SNX4: variants seen among roughly 807,000 people sequenced by gnomAD.
The protein encoded by SNX4 is sorting nexin-4.
Under a neutral mutation model 70.8 loss-of-function variants are expected in SNX4, and 49 were observed. The observed-to-expected ratio is 0.69, with a 90% CI of 0.55 to 0.88. The LOEUF is 0.88. Among genes scored for constraint, SNX4 ranks in the 40% least tolerant of loss-of-function variants. The pLI is 0.00. For synonymous variants in SNX4, 206 were observed against 183.8 expected (o/e 1.12, Z -0.98); for missense variants, 528 against 544.8 (o/e 0.97, Z 0.31).
intron 5 of SNX4, among the ~76,000 whole-genome samples, chr3:125,495,886 G>A (rs1229381344): frequency 1.2e-4 from 19 of 152,020 alleles, no homozygotes; most frequent in Admixed American, 1.2e-3. Flanking sequence ...ACATAAATCG[G>A]TTTTTAAACT....
At chr3:125,510,379 C>G (rs891190196) in intron 1 of SNX4, among the ~76,000 whole-genome samples, 1 of 151,844 alleles carries the variant, frequency 6.6e-6, no homozygotes, top group Admixed American at 6.6e-5. Context: ...TACAGGCGCC[C>G]GCCACACGCC....
chr3:125,462,282 G>C (rs1311739215), intron 9 of SNX4, among the ~76,000 whole-genome samples: 1 of 151,992 alleles, frequency 6.6e-6, no homozygotes, highest in Non-Finnish European at 1.5e-5. Flanking sequence ...TGTGCCAATT[G>C]ATAGGCTGAC....
At chr3:125,474,326 A>ATT (rs202001209) in intron 8 of SNX4, among the ~76,000 whole-genome samples, 1 of 151,588 alleles carries the variant, frequency 6.6e-6, no homozygotes, top group African/African-American at 2.4e-5. Context: ...TTTTGTTTTT[A>ATT]TTTTTTTGAG....
chr3:125,504,473 G>A, intron 2 of SNX4, 150 bp downstream of exon 2: 1 of 708,038 alleles, frequency 1.4e-6, no homozygotes, highest in Middle Eastern at 3.8e-4. Context: ...AACAGAATGA[G>A]ACCCTGTCTC....
At chr3:125,480,528 C>T (rs1470866254) in intron 6 of SNX4, among the ~76,000 whole-genome samples, 1 of 152,102 alleles carries the variant, frequency 6.6e-6, no homozygotes, top group Non-Finnish European at 1.5e-5. Flanking sequence ...AGATATCACA[C>T]TTCATAATTT....
chr3:125,496,865 T>C (rs1207606187), intron 5 of SNX4, among the ~76,000 whole-genome samples: 1 of 152,154 alleles, frequency 6.6e-6, no homozygotes, highest in African/African-American at 2.4e-5. Flanking sequence ...CTGACCACCA[T>C]GTCTCAACAG....
At chr3:125,460,568 C>G (rs539862491) in intron 10 of SNX4, among the ~76,000 whole-genome samples, 46 of 152,284 alleles carry the variant, frequency 3.0e-4, no homozygotes, top group Non-Finnish European at 5.0e-4. Flanking sequence ...CAGGTTTTAT[C>G]AAAATGATGC....
intron 1 of SNX4, among the ~76,000 whole-genome samples, chr3:125,519,354 A>G (rs1457407412): frequency 6.6e-6 from 1 of 152,202 alleles, no homozygotes; most frequent in Non-Finnish European, 1.5e-5. Flanking sequence ...AGGGTCTTCA[A>G]AAAGTACATG....
At chr3:125,519,855 T>C (rs1935364655) in intron 1 of SNX4, among the ~76,000 whole-genome samples, 177 bp downstream of exon 1, 1 of 152,056 alleles carries the variant, frequency 6.6e-6, no homozygotes, top group Non-Finnish European at 1.5e-5. Flanking sequence ...GTTTTTCCAC[T>C]GAGCCTCCTC....
intron 6 of SNX4, among the ~76,000 whole-genome samples, chr3:125,485,068 AAAAAAC>A (rs1934491551): frequency 6.6e-6 from 1 of 152,002 alleles, no homozygotes; most frequent in South Asian, 2.1e-4. Flanking sequence ...CATCTCCAAA[AAAAAAC>A]AAAAACAAAA....
chr3:125,491,178 TCA>T (rs1425613882), intron 5 of SNX4, among the ~76,000 whole-genome samples: 2 of 152,176 alleles, frequency 1.3e-5, no homozygotes, highest in Non-Finnish European at 2.9e-5. Context: ...AATCAGTATT[TCA>T]CAAATTCTGG....
At chr3:125,491,557 A>G (rs1195114123) in intron 5 of SNX4, among the ~76,000 whole-genome samples, 3 of 152,100 alleles carry the variant, frequency 2.0e-5, no homozygotes, top group Admixed American at 6.6e-5. Context: ...TCCACACCCA[A>G]CTCAATCTGC....
chr3:125,484,991 C>T (rs143385716), intron 6 of SNX4, among the ~76,000 whole-genome samples: 7,322 of 151,826 alleles, frequency 0.048, 416 homozygotes, highest in African/African-American at 0.13. Flanking sequence ...TGCTTGAACC[C>T]GGGAGGCGGA....
chr3:125,502,341 TTTTC>T (rs1338163451), intron 2 of SNX4, among the ~76,000 whole-genome samples: 6 of 108,120 alleles, frequency 5.5e-5, no homozygotes, highest in African/African-American at 2.5e-4. Flanking sequence ...TGTATAAAAA[TTTTC>T]TTTCTTTTTT....
chr3:125,505,482 T>G (rs57043950), intron 1 of SNX4, among the ~76,000 whole-genome samples: 4,538 of 152,162 alleles, frequency 0.03, 152 homozygotes, highest in African/African-American at 0.064. Flanking sequence ...TGACAAAATG[T>G]GGTTAATTTC....
At chr3:125,502,880 A>G (rs1934962135) in intron 2 of SNX4, among the ~76,000 whole-genome samples, 1 of 150,444 alleles carries the variant, frequency 6.6e-6, no homozygotes, top group South Asian at 2.1e-4. Flanking sequence ...AAGTATTAAC[A>G]TTAAAACATT....
At chr3:125,486,978 A>G (rs1212803889) in intron 6 of SNX4, among the ~76,000 whole-genome samples, 3 of 152,114 alleles carry the variant, frequency 2.0e-5, no homozygotes, top group Admixed American at 2.0e-4. Context: ...GGCCACATAA[A>G]AGTAGAAGAC....
At chr3:125,511,833 A>G (rs1050038218) in intron 1 of SNX4, among the ~76,000 whole-genome samples, 1 of 152,196 alleles carries the variant, frequency 6.6e-6, no homozygotes, top group African/African-American at 2.4e-5. Flanking sequence ...AAAGCTACAC[A>G]TATCAAATTA....
chr3:125,508,819 C>CA (rs1414155292), intron 1 of SNX4, among the ~76,000 whole-genome samples: 4 of 151,486 alleles, frequency 2.6e-5, no homozygotes, highest in Non-Finnish European at 2.9e-5. Flanking sequence ...TATCTACATA[C>CA]AAAAAAAATA....
Sources: allele counts gnomAD v4.1 joint callset (sites outside exome capture counted in the v4.1 genomes callset), GRCh38; gene constraint gnomAD v4.1.1; transcripts MANE v1.5; gene names NCBI Gene and HGNC (gene_info 2026-07-23, HGNC 2026-07-21).